Variants in RPL13A observed in about 807,000 individuals in gnomAD.
RPL13A encodes the protein large ribosomal subunit protein uL13.
In RPL13A, 4 loss-of-function variants were observed where a neutral mutation model predicts 30.8. That is an observed-to-expected ratio of 0.13 (90% CI 0.06 to 0.30). The LOEUF is 0.30. Among genes scored for constraint, RPL13A ranks in the 10% least tolerant of loss-of-function variants. RPL13A has a pLI of 1.00. For missense variants in RPL13A, 196 were observed against 272.6 expected, an observed-to-expected ratio of 0.72 and a Z score of 1.98; for synonymous variants, 108 against 104.2, an observed-to-expected ratio of 1.04 and a Z score of -0.22.
At position 49,492,124 on chromosome 19, in the gene RPL13A, C is replaced by T. The variant is rs2079877291; in HGVS notation, c.*309C>T. 1 of 354,112 alleles carries T rather than the reference C, an allele frequency of 2.8e-6. No homozygotes were observed. The highest frequency in any genetic ancestry group is 2.1e-5 in the African/African-American group (1 of 47,682). 21.9% of individuals were successfully genotyped at this position (354,112 alleles called of 1,614,324 possible). On this transcript the variant is annotated 3_prime_UTR_variant, in exon 8 of 8. Transcript: ENST00000391857. ...GTGGGGCATCTGTTGGACTTTCCAC[C>T]TGGTCATATACTCTGCAGCTGTTAG... is the stretch of plus-strand genomic sequence containing the variant.
In RPL13A at chr19:49,491,985, G is replaced by C. The variant is rs2079876132; in HGVS notation, c.*170G>C. ...TAGTCACTGCCTCCCGAAGTTGCTTGAAAGCACTCGGAGAATTGTGCAGGT... is the reference window on the plus strand; with the variant it reads ...TAGTCACTGCCTCCCGAAGTTGCTTCAAAGCACTCGGAGAATTGTGCAGGT... On this transcript the variant is annotated 3_prime_UTR_variant, in exon 8 of 8. Coordinates refer to ENST00000391857, the MANE Select transcript of RPL13A (RefSeq NM_012423.4). 1.7e-6 allele frequency: 1 copy of C among 595,382 alleles called. No homozygotes were observed. The highest frequency in any genetic ancestry group is 3.0e-6 in the Non-Finnish European group (1 of 333,174). 36.9% of individuals were successfully genotyped at this position (595,382 alleles called of 1,614,324 possible).
At chr19:49,490,611 G>A in intron 4 of RPL13A, 35 bp downstream of exon 4, 5 of 1,606,766 alleles carry the variant, frequency 3.1e-6, no homozygotes, top group Non-Finnish European at 4.3e-6. Flanking sequence ...GTGGTGACGG[G>A]CAGGCGGCCG....
At position 49,491,421 on chromosome 19, in the gene RPL13A, G is replaced by A. The variant is rs115924751; in HGVS notation, c.403-4G>A. On this transcript the variant is annotated splice_region_variant and splice_polypyrimidine_tract_variant and intron_variant, in intron 6 of 7. Transcript: ENST00000391857. ...TTGTTCACCCCCCCCCCCCCCCCCC[G>A]CAGTTTGCCTATCTGGGGCGCCTGG... 1,959 of 183,214 alleles carry A rather than the reference G, an allele frequency of 0.011. 73 individuals are homozygous for A. In the African/African-American group the frequency reaches 0.14, roughly 13 times the overall value. 11.3% of individuals were successfully genotyped at this position (183,214 alleles called of 1,614,324 possible).
At position 49,492,149 on chromosome 19, in the gene RPL13A, G is replaced by C. The variant is rs2079877472; in HGVS notation, c.*334G>C. 1 of 274,674 alleles carries C rather than the reference G, an allele frequency of 3.6e-6. No individual in the cohort carries two copies. The highest frequency in any genetic ancestry group is 4.8e-5 in the Admixed American group (1 of 20,972). The allele number at this position is 274,674 out of a possible 1,614,324, so 17.0% of individuals were successfully genotyped here. ...CTGGTCATATACTCTGCAGCTGTTA[G>C]AATGTGCAAGCACTTGGGGACAGCA... On this transcript the variant is annotated 3_prime_UTR_variant, in exon 8 of 8. Transcript: ENST00000391857.
chr19:49,489,775 G>A, intron 1 of RPL13A, 75 bp from the exon 2 acceptor site: 3 of 1,225,202 alleles, frequency 2.4e-6, no homozygotes, highest in Admixed American at 3.4e-5. Context: ...TAGGACAAAA[G>A]AAGGGAATGC....
chr19:49,490,541 G>A lies in RPL13A; in HGVS notation c.221G>A (p.Arg74Gln), dbSNP rs1332523202. 3 of 1,614,128 alleles carry A rather than the reference G, an allele frequency of 1.9e-6. No homozygotes were observed. Among genetic ancestry groups the A allele is most frequent in the Non-Finnish European group, 2.5e-6 (3 of 1,180,028 alleles). Residue 74 changes from arginine to glutamine, a missense_variant, in exon 4 of 8, where the codon CGG becomes CAG. By Grantham distance (43) the Arg-to-Gln change is conservative. Coordinates refer to ENST00000391857, the MANE Select transcript of RPL13A (RefSeq NM_012423.4). ...TNPSRGPYHF[R>Q]APSRIFWRTV... ...CCTTCCCGAGGCCCCTACCACTTCC[G>A]GGCCCCCAGCCGCATCTTCTGGCGG... is the stretch of plus-strand genomic sequence containing the variant.
At chr19:49,489,008 G>A (rs1194988071) in intron 1 of RPL13A, among the ~76,000 whole-genome samples, 1 of 152,194 alleles carries the variant, frequency 6.6e-6, no homozygotes, top group Non-Finnish European at 1.5e-5. Flanking sequence ...GCCCGGCCAG[G>A]ATTTCTACTC....
chr19:49,490,788 C>T lies in RPL13A; in HGVS notation c.266C>T (p.Pro89Leu). The change falls in exon 5 of 8, where the codon CCC (proline) becomes CTC (leucine). Residue 89 changes from proline (P) to leucine (L), a missense_variant. Transcript: ENST00000391857. ...ATCTGTCACCCAACAGGTATGCTGCCCCACAAAACCAAGCGAGGCCAGGCC... is the reference window on the plus strand; with the variant it reads ...ATCTGTCACCCAACAGGTATGCTGCTCCACAAAACCAAGCGAGGCCAGGCC... ...IFWRTVRGML[P>L]HKTKRGQAAL... The T allele has an allele frequency of 6.2e-7, 1 of 1,614,176 alleles. No individual in the cohort carries two copies. Among genetic ancestry groups the T allele is most frequent in the Non-Finnish European group, 8.5e-7 (1 of 1,180,044 alleles).
At position 49,491,466 on chromosome 19, in the gene RPL13A, G is replaced by A; in HGVS notation, c.444G>A (p.Lys148=). Residue 148 remains lysine, a synonymous_variant, in exon 7 of 8, where the codon AAG becomes AAA. Transcript: ENST00000391857. ...LGRLAHEVGW[K]YQAVTATLEE... is the part of the protein sequence containing the mutation. ...GCCTGGCTCACGAGGTTGGCTGGAA[G>A]TACCAGGCAGTGACAGCCACCCTGG... 3 of 1,406,944 alleles carry A rather than the reference G, an allele frequency of 2.1e-6. No individual in the cohort carries two copies. The highest frequency in any genetic ancestry group is 2.8e-6 in the Non-Finnish European group (3 of 1,055,192). 87.2% of individuals were successfully genotyped at this position (1,406,944 alleles called of 1,614,324 possible). A position where few individuals can be genotyped will look rare whatever the true frequency, so the allele number is the denominator to read the frequency against.
chr19:49,491,408 C>CG lies in RPL13A; in HGVS notation c.403-17_403-16insG, dbSNP rs775710693. The CG allele has an allele frequency of 4.7e-6, 2 of 429,384 alleles. No individual in the cohort carries two copies. The highest frequency in any genetic ancestry group is 2.2e-5 in the South Asian group (1 of 44,928). 26.6% of individuals were successfully genotyped at this position (429,384 alleles called of 1,614,324 possible). ...CTTACAACTTCATTTGTTCACCCCC[C>CG]CCCCCCCCCCCCGCAGTTTGCCTAT... On this transcript the variant is annotated splice_polypyrimidine_tract_variant and intron_variant, in intron 6 of 7. Coordinates refer to ENST00000391857, the MANE Select transcript of RPL13A (RefSeq NM_012423.4).
At chr19:49,487,680 C>CGGGTG (rs1385194281) in intron 1 of RPL13A, 36 bp downstream of exon 1, 1 of 1,503,714 alleles carries the variant, frequency 6.7e-7, no homozygotes, top group African/African-American at 1.4e-5. Flanking sequence ...GGCAAGGGGC[C>CGGGTG]GGGTGGGATC....
chr19:49,491,321 C>T, intron 6 of RPL13A, 104 bp from the exon 7 acceptor site: 1 of 1,226,914 alleles, frequency 8.2e-7, no homozygotes, highest in Non-Finnish European at 1.2e-6. Context: ...ATATGCCCAG[C>T]TGTCAGTCAC....
At chr19:49,490,739 T>C (rs759766521) in intron 4 of RPL13A, 40 bp from the exon 5 acceptor site, 1 of 1,607,986 alleles carries the variant, frequency 6.2e-7, no homozygotes, top group Non-Finnish European at 8.5e-7. Flanking sequence ...GGCATCCTTA[T>C]GAGGCCCTCT....
At chr19:49,491,182 G>A in intron 6 of RPL13A, 83 bp downstream of exon 6, 1 of 1,479,908 alleles carries the variant, frequency 6.8e-7, no homozygotes, top group Non-Finnish European at 9.4e-7. Flanking sequence ...CCTGGCAGAT[G>A]ATGTCCTTAT....
chr19:49,491,235 G>A (rs2079865008), intron 6 of RPL13A, 136 bp downstream of exon 6: 2 of 1,238,864 alleles, frequency 1.6e-6, no homozygotes, highest in East Asian at 4.6e-5. Flanking sequence ...TGGCGACAAT[G>A]CCAATGGCTT....
intron 1 of RPL13A, among the ~76,000 whole-genome samples, chr19:49,489,505 C>G (rs1034279971): frequency 6.6e-6 from 1 of 152,170 alleles, no homozygotes; most frequent in African/African-American, 2.4e-5. Flanking sequence ...TTATTAGTTA[C>G]AAGGTCTTGT....
intron 1 of RPL13A, among the ~76,000 whole-genome samples, chr19:49,487,979 C>T (rs907132640): frequency 1.3e-5 from 2 of 151,922 alleles, no homozygotes; most frequent in African/African-American, 2.4e-5. Context: ...CTTGTGTGTC[C>T]TCAGCGATGA....
At position 49,492,043 on chromosome 19, in the gene RPL13A, C is replaced by T. The variant is rs2079876570; in HGVS notation, c.*228C>T. 2.0e-6 allele frequency: 1 copy of T among 510,774 alleles called. No individual in the cohort carries two copies. Among genetic ancestry groups the T allele is most frequent in the East Asian group, 3.5e-5 (1 of 28,766 alleles). 31.6% of individuals were successfully genotyped at this position (510,774 alleles called of 1,614,324 possible). A position where few individuals can be genotyped will look rare whatever the true frequency, so the allele number is the denominator to read the frequency against. On this transcript the variant is annotated 3_prime_UTR_variant, in exon 8 of 8. Coordinates refer to ENST00000391857, the MANE Select transcript of RPL13A (RefSeq NM_012423.4). The stretch of plus-strand genomic sequence containing the variant: ...ATCTATGACCAATAGGAAGAGCAAC[C>T]AGTTACTATGAGTGAAAGGGAGCCA...
In RPL13A at chr19:49,490,309, C is replaced by T. The variant is rs917724901; in HGVS notation, c.154+12C>T. ...CTACAGAAACAAGTGTAAGTTAGGA[C>T]CTGGGAGGAGCACTGGAGAGGGTCT... is the stretch of plus-strand genomic sequence containing the variant. On this transcript the variant is annotated intron_variant, in intron 3 of 7. Transcript: ENST00000391857. The T allele has an allele frequency of 2.5e-6, 4 of 1,613,462 alleles. No homozygotes were observed. The African/African-American group carries it at 5.3e-5, about 22-fold the overall frequency.
Sources: allele counts gnomAD v4.1 joint callset (sites outside exome capture counted in the v4.1 genomes callset), GRCh38; gene constraint gnomAD v4.1.1; transcripts MANE v1.5; gene names NCBI Gene and HGNC (gene_info 2026-07-23, HGNC 2026-07-21).